The following ITIH5 variants were observed in gnomAD, a reference collection of about 807,000 sequenced individuals.
ITIH5 encodes the protein inter-alpha-trypsin inhibitor heavy chain H5.
A neutral mutation model predicts 77.5 loss-of-function variants in ITIH5; 65 were observed. The ratio of observed to expected loss-of-function variants is 0.84; its 90% CI spans 0.69 to 1.03. ITIH5 has a LOEUF of 1.03. Ranked by LOEUF, ITIH5 falls within the 50% of genes least tolerant of loss-of-function variation. ITIH5 has a pLI of 0.00. For missense variants in ITIH5, 1,208 were observed against 1,213.1 expected (o/e 1.00, Z 0.06); for synonymous variants, 525 against 494.3 (o/e 1.06, Z -0.82).
At chr10:7,607,400 A>T (rs182238651) in intron 7 of ITIH5, among the ~76,000 whole-genome samples, 1 of 152,268 alleles carries the variant, frequency 6.6e-6, no homozygotes, top group Admixed American at 6.5e-5. Context: ...TAATCCCAAC[A>T]CTTTGGAAGC....
intron 2 of ITIH5, among the ~76,000 whole-genome samples, chr10:7,642,395 G>A: frequency 6.6e-6 from 1 of 152,156 alleles, no homozygotes; most frequent in East Asian, 1.9e-4. Flanking sequence ...TCCTTAAACA[G>A]TTCAATCATC....
At chr10:7,639,629 A>C (rs1255194272) in intron 4 of ITIH5, among the ~76,000 whole-genome samples, 3 of 152,220 alleles carry the variant, frequency 2.0e-5, no homozygotes, top group Non-Finnish European at 4.4e-5. Context: ...ATCTAGATAC[A>C]AAGATCATTT....
rs761618755 is a variant in ITIH5, at chr10:7,563,220, C to T, written c.2692G>A (p.Gly898Arg). Residue 898 changes from glycine to arginine, a missense_variant, in exon 14 of 14, where the codon GGG becomes AGG. Transcript: ENST00000397146. The part of the protein sequence containing the change: ...VVWKQRKIYN[G>R]EEQIDCWFAR... ...AACCAGCAGTCTATCTGCTCTTCCCCGTTGTAAATCTTCCTTTGCTTCCAG... is the reference window on the plus strand; with the variant it reads ...AACCAGCAGTCTATCTGCTCTTCCCTGTTGTAAATCTTCCTTTGCTTCCAG... 28 of 1,614,104 alleles carry T rather than the reference C, an allele frequency of 1.7e-5. No individual in the cohort carries two copies. The highest frequency in any genetic ancestry group is 9.3e-5 in the African/African-American group (7 of 74,934).
At chr10:7,666,735 C>T (rs1834367705) in intron 1 of ITIH5, 68 bp downstream of exon 1, 1 of 1,344,062 alleles carries the variant, frequency 7.4e-7, no homozygotes, top group Non-Finnish European at 1.0e-6. Flanking sequence ...GCAGAAGCTC[C>T]GCGGCCGGGC....
intron 2 of ITIH5, among the ~76,000 whole-genome samples, chr10:7,647,792 A>C (rs1406858817): frequency 1.3e-5 from 2 of 152,236 alleles, no homozygotes; most frequent in Non-Finnish European, 1.5e-5. Context: ...CTATGAAGAT[A>C]AACTGTAAAG....
At chr10:7,581,306 A>G (rs1832547625) in intron 8 of ITIH5, among the ~76,000 whole-genome samples, 1 of 152,116 alleles carries the variant, frequency 6.6e-6, no homozygotes, top group South Asian at 2.1e-4. Flanking sequence ...AATAAAATAA[A>G]GTTGGGGGCG....
chr10:7,663,203 A>T (rs1348057759), intron 1 of ITIH5, among the ~76,000 whole-genome samples: 1 of 152,234 alleles, frequency 6.6e-6, no homozygotes, highest in East Asian at 1.9e-4. Flanking sequence ...TGCACATAGT[A>T]GGTTGTTGCA....
intron 7 of ITIH5, among the ~76,000 whole-genome samples, chr10:7,615,511 G>A (rs897883854): frequency 1.7e-4 from 26 of 152,114 alleles, no homozygotes; most frequent in African/African-American, 4.3e-4. Flanking sequence ...CATAAACTAC[G>A]TGACCCCTGA....
chr10:7,600,396 C>T (rs1455791700), intron 7 of ITIH5: 1 of 379,810 alleles, frequency 2.6e-6, no homozygotes, highest in Non-Finnish European at 5.2e-6. Flanking sequence ...AGCACATTCT[C>T]AAAGTGACCA....
At position 7,616,023 on chromosome 10, in the gene ITIH5, G is replaced by T; in HGVS notation, c.898C>A (p.Leu300Ile). The T allele has an allele frequency of 6.2e-7, 1 of 1,613,418 alleles. No homozygotes were observed. Residue 300 changes from leucine (L) to isoleucine (I), a missense_variant, in exon 7 of 14, where the codon CTT (leucine) becomes ATT (isoleucine). Physicochemically the swap from Leu to Ile is conservative, Grantham distance 5. Transcript: ENST00000397146. The part of the protein sequence containing the change: ...PPLPKNVVFV[L>I]DSSASMVGTK... ...CCCACCATAGAAGCACTGCTGTCAA[G>T]CACGAATACCACATTCTTGGGTAAA...
chr10:7,584,536 C>A (rs558827857), intron 8 of ITIH5, among the ~76,000 whole-genome samples: 2 of 152,002 alleles, frequency 1.3e-5, no homozygotes, highest in Non-Finnish European at 2.9e-5. Flanking sequence ...AACTCCTGAC[C>A]TCAGGTGATC....
At chr10:7,616,524 CTT>C (rs1833370456) in intron 6 of ITIH5, among the ~76,000 whole-genome samples, 1 of 152,178 alleles carries the variant, frequency 6.6e-6, no homozygotes, top group Non-Finnish European at 1.5e-5. Flanking sequence ...TGAGCAGCCT[CTT>C]TTAATTAAAA....
At position 7,629,297 on chromosome 10, in the gene ITIH5, G is replaced by T. The variant is rs186883389; in HGVS notation, c.652+7931C>A. Among the ~76,000 whole-genome samples, 3 of 74,848 alleles carry T rather than the reference G, an allele frequency of 4.0e-5. 1 individual carries two copies. The highest frequency in any genetic ancestry group is 8.5e-5 in the Non-Finnish European group (3 of 35,282). 49.1% of individuals were successfully genotyped at this position (74,848 alleles called of 152,430 possible). A position where few individuals can be genotyped will look rare whatever the true frequency, so the allele number is the denominator to read the frequency against. On this transcript the variant is annotated intron_variant, in intron 5 of 13. Coordinates refer to ENST00000397146, the MANE Select transcript of ITIH5 (RefSeq NM_030569.7). ...TTGTAGCGTGTGTCCCTGTTGTAGC[G>T]TGTGTCCATGTTGTAGCGTGTGCCC...
chr10:7,575,000 A>C lies in ITIH5; in HGVS notation c.1978+1453T>G, dbSNP rs558962209. ...TGTGGCATGGATCTCATAGGTAGAA[A>C]GTGATAGCATCCTGCCACATGCTTT... On this transcript the variant is annotated intron_variant, in intron 10 of 13. Coordinates refer to ENST00000397146, the MANE Select transcript of ITIH5 (RefSeq NM_030569.7). 1.0e-3 allele frequency among the ~76,000 whole-genome samples: 157 copies of C among 152,248 alleles called. 6 individuals carry two copies. In the South Asian group the frequency reaches 0.031, roughly 30 times the overall value.
rs145357371 is a variant in ITIH5, at chr10:7,623,218, G to A, written c.653-5936C>T. Among the ~76,000 whole-genome samples the A allele has an allele frequency of 5.3e-3, 809 of 152,254 alleles. 3 individuals are homozygous for A. The highest frequency in any genetic ancestry group is 0.014 in the Middle Eastern group (4 of 294). Reference sequence around the variant, plus strand: ...GAGGGTCTGGGTTTTGGCTGCTGTCGGAGAAAAGCAGCCAACACCTGGTGC... The same window carrying A: ...GAGGGTCTGGGTTTTGGCTGCTGTCAGAGAAAAGCAGCCAACACCTGGTGC... On this transcript the variant is annotated intron_variant, in intron 5 of 13. Transcript: ENST00000397146.
intron 8 of ITIH5, among the ~76,000 whole-genome samples, chr10:7,584,107 A>G (rs1251529857): frequency 6.6e-6 from 1 of 152,102 alleles, no homozygotes; most frequent in Non-Finnish European, 1.5e-5. Context: ...CTGGATTCAA[A>G]CCCAGGCAGT....
chr10:7,590,632 C>G (rs1832774328), intron 7 of ITIH5, among the ~76,000 whole-genome samples: 1 of 152,218 alleles, frequency 6.6e-6, no homozygotes, highest in Non-Finnish European at 1.5e-5. Flanking sequence ...TCAATAGCAA[C>G]CCAGCATCCT....
intron 5 of ITIH5, among the ~76,000 whole-genome samples, chr10:7,624,863 A>ACATATATATACACATATATATG (rs1833546837): frequency 2.1e-5 from 2 of 93,090 alleles, no homozygotes; most frequent in African/African-American, 8.8e-5. Context: ...ATGTGTATAT[A>ACATATATATACACATATATATG]TGTATATATG....
chr10:7,604,297 G>A (rs1833078404), intron 7 of ITIH5, among the ~76,000 whole-genome samples: 1 of 152,048 alleles, frequency 6.6e-6, no homozygotes, highest in African/African-American at 2.4e-5. Context: ...CTCCCCTAAG[G>A]GTGCAGTCCT....
Sources: gnomAD v4.1 joint callset for allele counts (sites outside exome capture counted in the v4.1 genomes callset) on GRCh38, gnomAD v4.1.1 for gene constraint, MANE v1.5 for transcripts, NCBI Gene and HGNC (gene_info 2026-07-23, HGNC 2026-07-21) for gene names.